Variants in PDE4D observed in about 807,000 individuals in gnomAD.
The protein encoded by PDE4D is phosphodiesterase 4D.
A neutral mutation model predicts 87.4 loss-of-function variants in PDE4D; 24 were observed. That is an observed-to-expected ratio of 0.27 (90% CI 0.20 to 0.39). The LOEUF (loss-of-function observed/expected upper bound fraction) is 0.39. PDE4D is among the 10% of genes least tolerant of loss of function. The pLI is 1.00. For synonymous variants in PDE4D, 384 were observed against 383.2 expected (o/e 1.00, Z -0.02); for missense variants, 714 against 1,041.0 (o/e 0.69, Z 4.32).
rs538090638 is a variant in PDE4D at position 59,780,252 on chromosome 5, G to C, written c.455+112916C>G. Among the ~76,000 whole-genome samples the C allele has an allele frequency of 4.6e-5, 7 of 152,276 alleles. No individual in the cohort carries two copies. In the South Asian group the frequency reaches 1.4e-3, roughly 32 times the overall value. On this transcript the variant is annotated intron_variant, in intron 1 of 14. Coordinates refer to ENST00000340635, the MANE Select transcript of PDE4D (RefSeq NM_001104631.2). ...ATGGTGGCAGGCACCTGTAATCCTA[G>C]CTACTCAGGAGGCTGAGGCAGGAGA...
At chr5:59,980,812 T>C (rs1221689308) in intron 3 of PDE4D, among the ~76,000 whole-genome samples, 1 of 152,228 alleles carries the variant, frequency 6.6e-6, no homozygotes, top group East Asian at 1.9e-4. Context: ...AGAGAGTCTA[T>C]GATAGGTGAG....
At chr5:60,465,401 CT>C (rs1356912324) in intron 1 of PDE4D, among the ~76,000 whole-genome samples, 1 of 152,134 alleles carries the variant, frequency 6.6e-6, no homozygotes, top group African/African-American at 2.4e-5. Flanking sequence ...TATTATTCCA[CT>C]TGTATAAGCA....
chr5:59,106,232 C>T (rs778903973), intron 5 of PDE4D, among the ~76,000 whole-genome samples: 11 of 152,088 alleles, frequency 7.2e-5, no homozygotes, highest in Non-Finnish European at 1.6e-4. Flanking sequence ...TACCTAAGGG[C>T]TCATATCACA....
intron 2 of PDE4D, among the ~76,000 whole-genome samples, chr5:59,994,247 G>T (rs946029320): frequency 2.0e-5 from 3 of 151,482 alleles, no homozygotes; most frequent in East Asian, 1.9e-4. Flanking sequence ...TATATATATA[G>T]AGAGGGGGGA....
intron 3 of PDE4D, among the ~76,000 whole-genome samples, chr5:59,965,672 T>G (rs1561919734): frequency 6.6e-6 from 1 of 152,206 alleles, no homozygotes; most frequent in Non-Finnish European, 1.5e-5. Context: ...CAGATAGTTA[T>G]GGTATTTTAA....
intron 1 of PDE4D, among the ~76,000 whole-genome samples, chr5:59,729,001 T>C (rs1174206782): frequency 1.3e-5 from 2 of 152,096 alleles, no homozygotes; most frequent in African/African-American, 4.8e-5. Context: ...TCTGAAAATG[T>C]CATCCTATCC....
rs1443732199 is a variant in PDE4D at position 59,587,006 on chromosome 5, T to C, written c.455+306162A>G. Reference sequence around the variant, plus strand: ...ACCAAAGCCAACTTCTTTCCCAGATTTCAGAATTGCTGGTTCAACTGCAAA... The same window carrying C: ...ACCAAAGCCAACTTCTTTCCCAGATCTCAGAATTGCTGGTTCAACTGCAAA... On this transcript the variant is annotated intron_variant, in intron 1 of 14. Coordinates refer to ENST00000340635, the MANE Select transcript of PDE4D (RefSeq NM_001104631.2). 1.3e-5 allele frequency: 13 copies of C among 985,270 alleles called. No individual in the cohort carries two copies. The African/African-American group carries it at 2.1e-4, about 16-fold the overall frequency. 61.0% of individuals were successfully genotyped at this position (985,270 alleles called of 1,614,324 possible). A position where few individuals can be genotyped will look rare whatever the true frequency, so the allele number is the denominator to read the frequency against.
chr5:59,862,061 C>A (rs950919794), intron 1 of PDE4D, among the ~76,000 whole-genome samples: 3 of 152,090 alleles, frequency 2.0e-5, no homozygotes, highest in African/African-American at 7.2e-5. Context: ...CCCAGGGGAC[C>A]ACTCAACACC....
intron 1 of PDE4D, among the ~76,000 whole-genome samples, chr5:60,328,712 G>T (rs1757030584): frequency 6.6e-6 from 1 of 152,184 alleles, no homozygotes; most frequent in South Asian, 2.1e-4. Context: ...GTAAGCATAT[G>T]TTCTGTTATT....
chr5:59,823,569 T>A (rs867517573), intron 1 of PDE4D, among the ~76,000 whole-genome samples: 1 of 152,044 alleles, frequency 6.6e-6, no homozygotes, highest in Non-Finnish European at 1.5e-5. Flanking sequence ...ACTAGAACAG[T>A]CTTTACACAT....
chr5:60,324,833 G>T (rs773660858), intron 1 of PDE4D, among the ~76,000 whole-genome samples: 1 of 152,168 alleles, frequency 6.6e-6, no homozygotes, highest in Admixed American at 6.5e-5. Context: ...TTTCACCGTA[G>T]GATTTGTGAG....
intron 1 of PDE4D, among the ~76,000 whole-genome samples, chr5:59,645,266 G>C (rs985792793): frequency 6.6e-6 from 1 of 152,180 alleles, no homozygotes; most frequent in Admixed American, 6.5e-5. Context: ...AAGCTTCAGG[G>C]CCCCTCACTT....
At chr5:59,077,299 C>T (rs1381961787) in intron 5 of PDE4D, among the ~76,000 whole-genome samples, 1 of 152,056 alleles carries the variant, frequency 6.6e-6, no homozygotes, top group African/African-American at 2.4e-5. Context: ...CCCTAAGGTA[C>T]ATTCAATTTA....
At chr5:59,373,650 G>A (rs1784289626) in intron 1 of PDE4D, among the ~76,000 whole-genome samples, 2 of 152,176 alleles carry the variant, frequency 1.3e-5, no homozygotes, top group Non-Finnish European at 2.9e-5. Flanking sequence ...CCTAGTTAGA[G>A]AGGCCAACAT....
chr5:60,423,109 C>T (rs1223179193), intron 1 of PDE4D, among the ~76,000 whole-genome samples: 1 of 152,080 alleles, frequency 6.6e-6, no homozygotes, highest in Non-Finnish European at 1.5e-5. Context: ...ACTTTAACAC[C>T]CCATTGTCAA....
At chr5:59,438,880 G>C (rs746737470) in intron 1 of PDE4D, among the ~76,000 whole-genome samples, 1 of 152,140 alleles carries the variant, frequency 6.6e-6, no homozygotes, top group African/African-American at 2.4e-5. Flanking sequence ...GATCCACATG[G>C]AGATAAATTA....
intron 1 of PDE4D, among the ~76,000 whole-genome samples, chr5:59,669,299 T>C (rs1746775861): frequency 6.6e-6 from 1 of 152,068 alleles, no homozygotes; most frequent in African/African-American, 2.4e-5. Context: ...TTTTGGTAGA[T>C]ACATGGTTCT....
chr5:60,161,056 A>G (rs774693154), intron 2 of PDE4D, among the ~76,000 whole-genome samples: 1 of 152,224 alleles, frequency 6.6e-6, no homozygotes, highest in South Asian at 2.1e-4. Context: ...TAATTGACAT[A>G]GAATTTTCTA....
At chr5:59,401,060 C>T (rs1043042163) in intron 1 of PDE4D, among the ~76,000 whole-genome samples, 1 of 152,206 alleles carries the variant, frequency 6.6e-6, no homozygotes, top group African/African-American at 2.4e-5. Context: ...TCAGTGTACA[C>T]AAACTTTGTT....
Sources: gnomAD v4.1 joint callset for allele counts (sites outside exome capture counted in the v4.1 genomes callset) on GRCh38, gnomAD v4.1.1 for gene constraint, MANE v1.5 for transcripts, NCBI Gene and HGNC (gene_info 2026-07-23, HGNC 2026-07-21) for gene names.